The following HTR7 variants were observed in gnomAD, a reference collection of about 807,000 sequenced individuals.
HTR7 encodes the protein 5-hydroxytryptamine receptor 7.
Under a neutral mutation model 34.0 loss-of-function variants are expected in HTR7, and 16 were observed. That is an observed-to-expected ratio of 0.47 (90% CI 0.32 to 0.71). The LOEUF (loss-of-function observed/expected upper bound fraction) is 0.71. HTR7 is among the 30% of genes least tolerant of loss of function. HTR7 has a pLI of 0.04. For missense variants in HTR7, 504 were observed against 625.5 expected (o/e 0.81, Z 2.07); for synonymous variants, 265 against 260.2 (o/e 1.02, Z -0.18).
chr10:90,796,422 G>C (rs1208898348), intron 1 of HTR7, among the ~76,000 whole-genome samples: 1 of 152,194 alleles, frequency 6.6e-6, no homozygotes, highest in Admixed American at 6.5e-5. Context: ...AAAGTAATTT[G>C]TGTGCTTTCC....
chr10:90,760,314 G>A (rs1479034478), intron 1 of HTR7, among the ~76,000 whole-genome samples: 1 of 152,136 alleles, frequency 6.6e-6, no homozygotes, highest in African/African-American at 2.4e-5. Flanking sequence ...GGAGTAAAAA[G>A]GAGGACAGAG....
intron 1 of HTR7, among the ~76,000 whole-genome samples, chr10:90,815,051 A>T (rs1050449205): frequency 6.6e-6 from 1 of 152,046 alleles, no homozygotes; most frequent in Non-Finnish European, 1.5e-5. Context: ...AGAATGTAAA[A>T]ATGCAGGATT....
intron 1 of HTR7, among the ~76,000 whole-genome samples, chr10:90,780,840 C>T (rs917766422): frequency 5.9e-5 from 9 of 152,204 alleles, no homozygotes. Context: ...CAGAAAGAGA[C>T]AGACATAACC....
rs1564705274 is a variant in HTR7, at chr10:90,857,348, G to C, written c.324C>G (p.Phe108Leu). ...TGGAGGGCTGGCGGAGCTTCTTGAC[G>C]AAGCACACGGAGATCACCACCAGGC... ...GNCLVVISVC[F>L]VKKLRQPSNY... The change falls in exon 1 of 4, where the codon TTC becomes TTG. Residue 108 changes from phenylalanine (F) to leucine (L), a missense_variant. Coordinates refer to ENST00000336152, the MANE Select transcript of HTR7 (RefSeq NM_019859.4). This position sits in a 1 kb window ranked among gnomAD's most constrained non-coding sequence, Gnocchi z 6.5. The C allele has an allele frequency of 3.1e-6, 5 of 1,614,050 alleles. No homozygotes were observed. The South Asian group carries it at 3.3e-5, about 11-fold the overall frequency.
intron 1 of HTR7, among the ~76,000 whole-genome samples, chr10:90,751,263 T>C (rs1281888560): frequency 6.6e-6 from 1 of 151,896 alleles, no homozygotes; most frequent in Non-Finnish European, 1.5e-5. Flanking sequence ...AGGCGGGCAG[T>C]GCGGGGGAAA....
chr10:90,796,528 A>G (rs1320589784), intron 1 of HTR7, among the ~76,000 whole-genome samples: 2 of 152,160 alleles, frequency 1.3e-5, no homozygotes, highest in Admixed American at 1.3e-4. Context: ...GTTCCAGAAC[A>G]CCCTGAGCAA....
intron 1 of HTR7, among the ~76,000 whole-genome samples, chr10:90,765,153 T>C (rs1845001390): frequency 6.6e-6 from 1 of 152,200 alleles, no homozygotes; most frequent in Non-Finnish European, 1.5e-5. Context: ...TGAAGTCATC[T>C]GGCTCTGGAC....
chr10:90,803,476 T>G (rs1392244124), intron 1 of HTR7, among the ~76,000 whole-genome samples: 3 of 152,136 alleles, frequency 2.0e-5, no homozygotes, highest in Non-Finnish European at 4.4e-5. Flanking sequence ...TCACTTAAAC[T>G]CCACTATTTG....
intron 1 of HTR7, among the ~76,000 whole-genome samples, chr10:90,853,554 C>T (rs568737109): frequency 1.3e-5 from 2 of 151,928 alleles, no homozygotes; most frequent in African/African-American, 4.8e-5. Context: ...ATCCTCCAGC[C>T]TCAGCCTCCC....
chr10:90,769,713 T>C lies in HTR7; in HGVS notation c.540-20119A>G, dbSNP rs572343177. Among the ~76,000 whole-genome samples, 96 of 152,312 alleles carry C rather than the reference T, an allele frequency of 6.3e-4. 1 individual carries two copies. The highest frequency in any genetic ancestry group is 2.2e-3 in the African/African-American group (90 of 41,560). The stretch of plus-strand genomic sequence containing the variant: ...AGAATTTTTAGAATTAGAAAATCAA[T>C]TATATATTCCAACCTAGAAAAGGAA... On this transcript the variant is annotated intron_variant, in intron 1 of 3. Coordinates refer to ENST00000336152, the MANE Select transcript of HTR7 (RefSeq NM_019859.4).
intron 1 of HTR7, among the ~76,000 whole-genome samples, chr10:90,795,140 A>G (rs1845518792): frequency 6.6e-6 from 1 of 152,220 alleles, no homozygotes; most frequent in African/African-American, 2.4e-5. Flanking sequence ...TATCTCATCA[A>G]CATACTGATT....
chr10:90,754,768 GCTT>G (rs1844807162), intron 1 of HTR7, among the ~76,000 whole-genome samples: 1 of 152,144 alleles, frequency 6.6e-6, no homozygotes, highest in East Asian at 1.9e-4. Context: ...TAATTAAATG[GCTT>G]CTTCTGAGTT....
At chr10:90,775,645 T>C (rs1168973442) in intron 1 of HTR7, among the ~76,000 whole-genome samples, 1 of 152,206 alleles carries the variant, frequency 6.6e-6, no homozygotes, top group African/African-American at 2.4e-5. Context: ...AGGGGAAGAC[T>C]TGGCCTGACA....
At chr10:90,850,157 C>A (rs1371048257) in intron 1 of HTR7, among the ~76,000 whole-genome samples, 1 of 152,234 alleles carries the variant, frequency 6.6e-6, no homozygotes, top group Non-Finnish European at 1.5e-5. Context: ...CCTGTTAGTT[C>A]CCTCAAAACA....
chr10:90,754,386 G>C (rs1213488847), intron 1 of HTR7, among the ~76,000 whole-genome samples: 2 of 151,328 alleles, frequency 1.3e-5, no homozygotes, highest in East Asian at 3.9e-4. Flanking sequence ...ACCTTCAAGG[G>C]TGAGAAAGAA....
chr10:90,776,949 A>G, intron 1 of HTR7, among the ~76,000 whole-genome samples: 1 of 152,230 alleles, frequency 6.6e-6, no homozygotes, highest in Non-Finnish European at 1.5e-5. Flanking sequence ...GCAAGAATTC[A>G]TTATGGCATG....
intron 1 of HTR7, among the ~76,000 whole-genome samples, chr10:90,751,213 G>A (rs762744818): frequency 5.3e-5 from 8 of 152,132 alleles, no homozygotes; most frequent in Admixed American, 6.5e-5. Flanking sequence ...AGAGAAAGAG[G>A]GAGGCTTTCC....
intron 1 of HTR7, among the ~76,000 whole-genome samples, chr10:90,750,635 A>G (rs1219384250): frequency 6.6e-6 from 1 of 152,220 alleles, no homozygotes; most frequent in Non-Finnish European, 1.5e-5. Context: ...AAACATAAAA[A>G]GGAAAGATAC....
intron 1 of HTR7, among the ~76,000 whole-genome samples, chr10:90,840,595 T>G (rs980370656): frequency 1.2e-4 from 19 of 152,210 alleles, no homozygotes; most frequent in African/African-American, 4.6e-4. Context: ...TTTTAAGAAC[T>G]GTTCAAATTT....
Sources: gnomAD v4.1 joint callset for allele counts (sites outside exome capture counted in the v4.1 genomes callset) on GRCh38, gnomAD v4.1.1 for gene constraint, Gnocchi (gnomAD v3.1) non-coding constraint, MANE v1.5 for transcripts, NCBI Gene and HGNC (gene_info 2026-07-23, HGNC 2026-07-21) for gene names.